The following ELMO1 variants were observed in gnomAD, a reference collection of about 807,000 sequenced individuals.
The protein encoded by ELMO1 is engulfment and cell motility 1, also known as engulfment and cell motility protein 1.
ELMO1 carries 26 observed loss-of-function variants against 98.9 expected under a neutral mutation model. The ratio of observed to expected loss-of-function variants is 0.26; its 90% CI spans 0.19 to 0.36. ELMO1 has a LOEUF of 0.36. Among genes scored for constraint, ELMO1 ranks in the 10% least tolerant of loss-of-function variants. ELMO1 has a pLI of 1.00. For missense variants in ELMO1, 627 were observed against 935.2 expected (o/e 0.67, Z 4.30); for synonymous variants, 346 against 346.0 (o/e 1.00, Z 0.00).
chr7:37,353,959 T>A (rs1386975318), intron 1 of ELMO1, among the ~76,000 whole-genome samples: 3 of 152,218 alleles, frequency 2.0e-5, no homozygotes, highest in Admixed American at 6.5e-5. Flanking sequence ...TTTCCTTCCC[T>A]TGGGTCTGCT....
At chr7:37,132,061 T>C (rs1347435093) in intron 14 of ELMO1, among the ~76,000 whole-genome samples, 1 of 152,072 alleles carries the variant, frequency 6.6e-6, no homozygotes, top group South Asian at 2.1e-4. Flanking sequence ...AAATGCTCTC[T>C]AGGGGAATAA....
At chr7:37,383,712 G>C (rs1038708685) in intron 1 of ELMO1, among the ~76,000 whole-genome samples, 1 of 152,032 alleles carries the variant, frequency 6.6e-6, no homozygotes. Context: ...TTTTAATGTC[G>C]TAACTATGTT....
intron 15 of ELMO1, among the ~76,000 whole-genome samples, chr7:37,029,695 T>G (rs903783375): frequency 2.6e-5 from 4 of 152,188 alleles, no homozygotes; most frequent in Non-Finnish European, 5.9e-5. Context: ...ACTCTTGTTA[T>G]TGGTATAAGG....
At chr7:37,143,086 G>A (rs563791441) in intron 13 of ELMO1, among the ~76,000 whole-genome samples, 2 of 152,304 alleles carry the variant, frequency 1.3e-5, no homozygotes, top group African/African-American at 4.8e-5. Flanking sequence ...TTAGCAAATA[G>A]TCTCAATAAA....
At chr7:36,956,502 A>G (rs1788456363) in intron 16 of ELMO1, among the ~76,000 whole-genome samples, 1 of 152,206 alleles carries the variant, frequency 6.6e-6, no homozygotes, top group African/African-American at 2.4e-5. Flanking sequence ...TCATCATGTT[A>G]TATGTTTGTA....
Position 37,069,296 on chromosome 7 carries a change from T to C in ELMO1, c.1300+27323A>G, listed in dbSNP as rs577162745. Among the ~76,000 whole-genome samples the C allele has an allele frequency of 2.3e-3, 356 of 152,330 alleles. 5 individuals carry two copies. Among genetic ancestry groups the C allele is most frequent in the Admixed American group, 3.3e-3 (51 of 15,300 alleles). ...ACCTTACAAGTCTGGTCCTAAGACC[T>C]CTCTAAATAGATCTAAGCGATCTAT... On this transcript the variant is annotated intron_variant, in intron 15 of 21. Transcript: ENST00000310758.
rs534583484 is a variant in ELMO1 at position 36,868,186 on chromosome 7, T to C, written c.1905+2207A>G. Among the ~76,000 whole-genome samples the C allele has an allele frequency of 5.3e-5, 8 of 152,344 alleles. No homozygotes were observed. The South Asian group carries it at 1.2e-3, about 24-fold the overall frequency. ...GTTTCATAACTCATGGATTTTGATA[T>C]CTTCATGTTAAGTTCAGACATGTTA... is the stretch of plus-strand genomic sequence containing the variant. On this transcript the variant is annotated intron_variant, in intron 20 of 21. Coordinates refer to ENST00000310758, the MANE Select transcript of ELMO1 (RefSeq NM_014800.11).
intron 2 of ELMO1, among the ~76,000 whole-genome samples, chr7:37,333,694 G>A (rs1049093760): frequency 6.6e-6 from 1 of 152,170 alleles, no homozygotes; most frequent in Non-Finnish European, 1.5e-5. Flanking sequence ...CATTTTAAAG[G>A]AAGTTTAAGA....
chr7:36,934,120 G>T (rs1786291510), intron 16 of ELMO1, among the ~76,000 whole-genome samples: 1 of 152,130 alleles, frequency 6.6e-6, no homozygotes, highest in Non-Finnish European at 1.5e-5. Context: ...GGTTTGGAGG[G>T]AATTTGCAAG....
rs572342523 is a variant in ELMO1 at position 36,918,484 on chromosome 7, T to A, written c.1438-23467A>T. ...GCTAGTTCTCCACCCTGGGTGCATA[T>A]CACAGTCACCCAGGGGATTCACAGA... On this transcript the variant is annotated intron_variant, in intron 16 of 21. Coordinates refer to ENST00000310758, the MANE Select transcript of ELMO1 (RefSeq NM_014800.11). Among the ~76,000 whole-genome samples, 5 of 152,250 alleles carry A rather than the reference T, an allele frequency of 3.3e-5. No individual in the cohort carries two copies. In the South Asian group the frequency reaches 8.3e-4, roughly 25 times the overall value.
At chr7:37,171,601 T>C (rs1223493177) in intron 13 of ELMO1, among the ~76,000 whole-genome samples, 1 of 145,472 alleles carries the variant, frequency 6.9e-6, no homozygotes, top group Non-Finnish European at 1.5e-5. Flanking sequence ...CATGCCATTC[T>C]CCTGCCTCAG....
chr7:37,065,749 C>T (rs577219627), intron 15 of ELMO1, among the ~76,000 whole-genome samples: 12 of 152,262 alleles, frequency 7.9e-5, no homozygotes, highest in African/African-American at 2.4e-4. Context: ...TGAAAACGCT[C>T]GTGCTAGTGG....
intron 15 of ELMO1, among the ~76,000 whole-genome samples, chr7:37,020,461 C>T (rs1794203672): frequency 6.6e-6 from 1 of 152,090 alleles, no homozygotes; most frequent in African/African-American, 2.4e-5. Flanking sequence ...AAGAAAATCG[C>T]CAATTGTTTT....
intron 16 of ELMO1, among the ~76,000 whole-genome samples, chr7:36,916,689 C>T (rs1784717012): frequency 6.6e-6 from 1 of 152,238 alleles, no homozygotes; most frequent in Admixed American, 6.5e-5. Context: ...GGCCTGTGCC[C>T]AGCCTTCCCT....
chr7:37,203,810 G>A (rs959137274), intron 13 of ELMO1, among the ~76,000 whole-genome samples: 1 of 152,122 alleles, frequency 6.6e-6, no homozygotes, highest in Non-Finnish European at 1.5e-5. Flanking sequence ...CATGGCTGCA[G>A]GGTCAACCAA....
At chr7:37,240,646 T>A (rs943888810) in intron 7 of ELMO1, among the ~76,000 whole-genome samples, 3 of 152,210 alleles carry the variant, frequency 2.0e-5, no homozygotes, top group African/African-American at 7.2e-5. Flanking sequence ...CAGCTTCAGC[T>A]GCATTCACAA....
chr7:36,985,157 C>T (rs1271297484), intron 16 of ELMO1: 35 of 964,218 alleles, frequency 3.6e-5, no homozygotes, highest in Non-Finnish European at 4.1e-5. Context: ...CCCCAGGGAG[C>T]AGAGCAATAG....
intron 13 of ELMO1, among the ~76,000 whole-genome samples, chr7:37,199,322 T>C (rs1337176745): frequency 1.3e-5 from 2 of 152,292 alleles, no homozygotes; most frequent in East Asian, 3.9e-4. Context: ...CCTCTAAAAA[T>C]ATGAAAACGG....
chr7:37,063,587 A>G (rs975913422), intron 15 of ELMO1, among the ~76,000 whole-genome samples: 1 of 152,152 alleles, frequency 6.6e-6, no homozygotes, highest in Non-Finnish European at 1.5e-5. Context: ...TTTAATAGTA[A>G]GTGTTTTCAA....
Sources: gnomAD v4.1 joint callset for allele counts (sites outside exome capture counted in the v4.1 genomes callset) on GRCh38, gnomAD v4.1.1 for gene constraint, MANE v1.5 for transcripts, NCBI Gene and HGNC (gene_info 2026-07-23, HGNC 2026-07-21) for gene names.